The following MAN1A2 variants were observed in gnomAD, a reference collection of about 807,000 sequenced individuals.
MAN1A2 encodes mannosidase alpha class 1A member 2.
Under a neutral mutation model 75.7 loss-of-function variants are expected in MAN1A2, and 26 were observed. The ratio of observed to expected loss-of-function variants is 0.34; its 90% confidence interval spans 0.25 to 0.48. The LOEUF (loss-of-function observed/expected upper bound fraction) is 0.48, where lower values mean the gene tolerates loss of function less well. Ranked by LOEUF, MAN1A2 falls within the 20% of genes least tolerant of loss-of-function variation. The pLI, the probability that MAN1A2 is intolerant of heterozygous loss-of-function variation, is 0.99. For synonymous variants in MAN1A2, 247 were observed against 264.6 expected (o/e 0.93, Z 0.65); for missense variants, 562 against 775.5 (o/e 0.72, Z 3.27).
chr1:117,511,325 A>ATC (rs1651527259), intron 12 of MAN1A2, among the ~76,000 whole-genome samples: 1 of 151,968 alleles, frequency 6.6e-6, no homozygotes, highest in South Asian at 2.1e-4. Context: ...CCATATCACC[A>ATC]TCTGACATAG....
At chr1:117,385,448 C>T (rs534254858) in intron 1 of MAN1A2, among the ~76,000 whole-genome samples, 29 of 151,454 alleles carry the variant, frequency 1.9e-4, no homozygotes, top group Middle Eastern at 3.4e-3. Context: ...GACTGCCTTC[C>T]TGCATTCCAC....
Position 117,496,981 on chromosome 1 carries a change from T to C in MAN1A2, c.1503T>C (p.Thr501=). 6.2e-7 allele frequency: 1 copy of C among 1,604,488 alleles called. No homozygotes were observed. The highest frequency in any genetic ancestry group is 8.5e-7 in the Non-Finnish European group (1 of 1,173,960). ...ARTCHESYDR[T]ALKLGPESFK... ...CTTGTCATGAGTCATATGACAGAAC[T>C]GGTAAGAATATTAATAAGGCTAATT... The change falls in exon 10 of 13, where the codon ACT becomes ACC. Residue 501 remains threonine, a splice_region_variant and synonymous_variant. Coordinates refer to ENST00000356554, the MANE Select transcript of MAN1A2 (RefSeq NM_006699.5).
chr1:117,436,829 A>G (rs1648864381), intron 5 of MAN1A2, among the ~76,000 whole-genome samples: 1 of 152,242 alleles, frequency 6.6e-6, no homozygotes, highest in African/African-American at 2.4e-5. Context: ...CTACTTTTCT[A>G]TAAATAATAA....
At chr1:117,455,626 G>T (rs555977731) in intron 6 of MAN1A2, among the ~76,000 whole-genome samples, 2 of 152,098 alleles carry the variant, frequency 1.3e-5, no homozygotes, top group African/African-American at 4.8e-5. Flanking sequence ...AAAAAAGTTT[G>T]TAAAAATACA....
chr1:117,455,852 C>G (rs898620404), intron 6 of MAN1A2, among the ~76,000 whole-genome samples: 3 of 151,328 alleles, frequency 2.0e-5, no homozygotes, highest in African/African-American at 7.3e-5. Flanking sequence ...GAGTATATTA[C>G]ATATCCTCTC....
At chr1:117,407,158 T>A (rs1234264013) in intron 3 of MAN1A2, among the ~76,000 whole-genome samples, 1 of 152,180 alleles carries the variant, frequency 6.6e-6, no homozygotes, top group African/African-American at 2.4e-5. Context: ...TAGGTGCTGC[T>A]TATTTTTTAT....
intron 8 of MAN1A2, among the ~76,000 whole-genome samples, chr1:117,475,814 G>A (rs1044380979): frequency 6.6e-6 from 1 of 152,048 alleles, no homozygotes; most frequent in South Asian, 2.1e-4. Context: ...GAACAGTGCT[G>A]CAGTAAACAT....
At chr1:117,478,550 G>T (rs569681020) in intron 8 of MAN1A2, among the ~76,000 whole-genome samples, 7 of 151,892 alleles carry the variant, frequency 4.6e-5, no homozygotes, top group Non-Finnish European at 8.8e-5. Flanking sequence ...AAAGTTTATA[G>T]ATTCGGGTTT....
intron 1 of MAN1A2, among the ~76,000 whole-genome samples, chr1:117,399,642 T>A (rs142820968): frequency 3.9e-5 from 6 of 152,326 alleles, no homozygotes; most frequent in Non-Finnish European, 8.8e-5. Flanking sequence ...GCAAGCACTT[T>A]CCCTCTTTCT....
At chr1:117,440,043 T>A (rs1455214732) in intron 5 of MAN1A2, among the ~76,000 whole-genome samples, 1 of 152,150 alleles carries the variant, frequency 6.6e-6, no homozygotes, top group Non-Finnish European at 1.5e-5. Context: ...GTAAATAAAT[T>A]ACAGTGTATC....
rs1651690059 is a variant in MAN1A2 at position 117,515,676 on chromosome 1, GGAT to G, written c.1794-7146_1794-7144del. ...AGAATCAAAATCAGGGAAGCAGCATGGATGACCCTTGAGGACATTATGCTAAGT... is the reference window on the plus strand; with the variant it reads ...AGAATCAAAATCAGGGAAGCAGCATGGACCCTTGAGGACATTATGCTAAGT... On this transcript the variant is annotated intron_variant, in intron 12 of 12. Coordinates refer to ENST00000356554, the MANE Select transcript of MAN1A2 (RefSeq NM_006699.5). 2.0e-5 allele frequency: 3 copies of G among 152,746 alleles called. No individual in the cohort carries two copies. The Admixed American group carries it at 2.0e-4, about 10-fold the overall frequency. 9.5% of individuals were successfully genotyped at this position (152,746 alleles called of 1,614,324 possible).
Position 117,368,138 on chromosome 1 carries a change from CATAAG to C in MAN1A2, c.-43_-39del. 1 of 1,520,116 alleles carries C rather than the reference CATAAG, an allele frequency of 6.6e-7. No homozygotes were observed. Among genetic ancestry groups the C allele is most frequent in the African/African-American group, 1.4e-5 (1 of 71,880 alleles). The allele number at this position is 1,520,116 out of a possible 1,614,324, so 94.2% of individuals were successfully genotyped here. A position where few individuals can be genotyped will look rare whatever the true frequency, so the allele number is the denominator to read the frequency against. ...ACAGTTCAATGTATTCTACATTTGA[CATAAG>C]ATGAGAACTTTCTAAAGTATTCTCT... is the stretch of plus-strand genomic sequence containing the variant. On this transcript the variant is annotated 5_prime_UTR_variant, in exon 1 of 13. In the 5' UTR this introduces an upstream ATG that the reference lacks. Transcript: ENST00000356554.
intron 12 of MAN1A2, among the ~76,000 whole-genome samples, chr1:117,514,123 G>T (rs1334432558): frequency 5.9e-5 from 9 of 152,132 alleles, no homozygotes; most frequent in Non-Finnish European, 1.3e-4. Context: ...AGCACTTTGG[G>T]AGGCCAAGGC....
intron 5 of MAN1A2, among the ~76,000 whole-genome samples, chr1:117,434,908 ATAAATT>A (rs1314578503): frequency 2.0e-5 from 3 of 151,894 alleles, no homozygotes; most frequent in Non-Finnish European, 4.4e-5. Context: ...TATTTTGGAG[ATAAATT>A]TAAAAGGATT....
At position 117,373,883 on chromosome 1, in the gene MAN1A2, A is replaced by G. The variant is rs1653056333; in HGVS notation, c.302+5398A>G. On this transcript the variant is annotated intron_variant, in intron 1 of 12. Transcript: ENST00000356554. ...GTAATGCAGAAGCTAAGTATCTTCT[A>G]GAAATCAGTAGTACATGGTAAACAT... Among the ~76,000 whole-genome samples, 4 of 151,126 alleles carry G rather than the reference A, an allele frequency of 2.6e-5. No individual in the cohort carries two copies. In the South Asian group the frequency reaches 8.4e-4, roughly 32 times the overall value.
At chr1:117,423,255 T>C (rs1570730996) in intron 5 of MAN1A2, among the ~76,000 whole-genome samples, 1 of 152,196 alleles carries the variant, frequency 6.6e-6, no homozygotes, top group East Asian at 1.9e-4. Flanking sequence ...TGTCTGTCTT[T>C]GGTACTACCA....
chr1:117,458,525 T>TATAA (rs1557959206), intron 6 of MAN1A2, among the ~76,000 whole-genome samples: 28 of 43,200 alleles, frequency 6.5e-4, no homozygotes, highest in South Asian at 3.5e-3. Context: ...ATATATATAT[T>TATAA]TTTTTTTTTT....
chr1:117,429,553 C>A (rs1449575151), intron 5 of MAN1A2, among the ~76,000 whole-genome samples: 1 of 89,462 alleles, frequency 1.1e-5, no homozygotes, highest in Admixed American at 9.3e-5. Flanking sequence ...ACCTCCCTCC[C>A]GGACGGGGCG....
chr1:117,431,479 TAGAAGTCCCGA>T, intron 5 of MAN1A2, among the ~76,000 whole-genome samples: 1 of 152,224 alleles, frequency 6.6e-6, no homozygotes, highest in East Asian at 1.9e-4. Flanking sequence ...AAAGATGATG[TAGAAGTCCCGA>T]ATGACAGTAT....
Sources: allele counts gnomAD v4.1 joint callset (sites outside exome capture counted in the v4.1 genomes callset), GRCh38; gene constraint gnomAD v4.1.1; transcripts MANE v1.5; gene names NCBI Gene and HGNC (gene_info 2026-07-23, HGNC 2026-07-21).